LMX1B: variants seen among roughly 807,000 people sequenced by gnomAD.
The protein encoded by LMX1B is LIM homeobox transcription factor 1 beta.
In LMX1B, 12 loss-of-function variants were observed where a neutral mutation model predicts 51.4. That is an observed-to-expected ratio of 0.23 (90% CI 0.15 to 0.38). The LOEUF is 0.38. Ranked by LOEUF, LMX1B falls within the 10% of genes least tolerant of loss-of-function variation. LMX1B has a pLI of 1.00. For synonymous variants in LMX1B, 237 were observed against 235.4 expected (o/e 1.01, Z -0.06); for missense variants, 445 against 571.1 (o/e 0.78, Z 2.25).
At chr9:126,637,970 C>T (rs73669127) in intron 2 of LMX1B, among the ~76,000 whole-genome samples, 3,309 of 152,166 alleles carry the variant, frequency 0.022, 116 homozygotes, top group African/African-American at 0.075. Context: ...CCCTAAACCC[C>T]GAGAGGACGC....
rs955099792 is a variant in LMX1B, at chr9:126,699,868, G to T, written c.*3417G>T. ...TGGGAGCTGGGCGGGGAGTAGCCAG[G>T]ACCACCCCTTGCCCGTGCCGTGACA... is the stretch of plus-strand genomic sequence containing the variant. On this transcript the variant is annotated 3_prime_UTR_variant, in exon 8 of 8. Coordinates refer to ENST00000373474, the MANE Select transcript of LMX1B (RefSeq NM_001174147.2). 1 of 152,348 alleles carries T rather than the reference G, an allele frequency of 6.6e-6. No homozygotes were observed. The highest frequency in any genetic ancestry group is 1.5e-5 in the Non-Finnish European group (1 of 68,152). 9.4% of individuals were successfully genotyped at this position (152,348 alleles called of 1,614,324 possible). A position where few individuals can be genotyped will look rare whatever the true frequency, so the allele number is the denominator to read the frequency against.
intron 2 of LMX1B, among the ~76,000 whole-genome samples, chr9:126,632,380 G>A (rs1201916753): frequency 6.6e-6 from 1 of 152,146 alleles, no homozygotes; most frequent in African/African-American, 2.4e-5. Context: ...GGAATATTGG[G>A]GGTTAAATGG....
At chr9:126,636,185 G>A (rs1835710436) in intron 2 of LMX1B, among the ~76,000 whole-genome samples, 1 of 152,142 alleles carries the variant, frequency 6.6e-6, no homozygotes, top group African/African-American at 2.4e-5. Context: ...CTTGTCCTGG[G>A]TACTAAAGAC....
At chr9:126,676,170 A>G (rs1055124471) in intron 2 of LMX1B, among the ~76,000 whole-genome samples, 1 of 151,310 alleles carries the variant, frequency 6.6e-6, no homozygotes, top group Non-Finnish European at 1.5e-5. Context: ...AACCCTCTGC[A>G]CCTTTTATTT....
At chr9:126,635,103 C>T (rs577990285) in intron 2 of LMX1B, among the ~76,000 whole-genome samples, 2 of 152,332 alleles carry the variant, frequency 1.3e-5, no homozygotes, top group Admixed American at 6.5e-5. Context: ...TACTGTCATT[C>T]CCATTTCACA....
rs979991264 is a variant in LMX1B, at chr9:126,671,926, G to A, written c.327-18910G>A. ...GCATTCTCCACCACCCCCTTCTCCT[G>A]GACTGGGGCTTCCAAGTAAATTCAT... On this transcript the variant is annotated intron_variant, in intron 2 of 7. Coordinates refer to ENST00000373474, the MANE Select transcript of LMX1B (RefSeq NM_001174147.2). The surrounding 1 kb of genome is among the most constrained non-coding windows in gnomAD (Gnocchi z 4.4). Among the ~76,000 whole-genome samples, 4 of 152,362 alleles carry A rather than the reference G, an allele frequency of 2.6e-5. No homozygotes were observed. Among genetic ancestry groups the A allele is most frequent in the African/African-American group, 9.6e-5 (4 of 41,592 alleles).
In LMX1B at chr9:126,615,989, T is replaced by TGGAGCCA. The variant is rs911055532; in HGVS notation, c.326+432_326+438dup. On this transcript the variant is annotated intron_variant, in intron 2 of 7. Transcript: ENST00000373474. The surrounding 1 kb of genome is among the most constrained non-coding windows in gnomAD (Gnocchi z 6.0). ...GTGGGGGTTTGGGATTCCTGGAGCC[T>TGGAGCCA]GGAGCCAGGAGCCAGGAGGTGGAGT... Among the ~76,000 whole-genome samples the TGGAGCCA allele has an allele frequency of 2.6e-5, 4 of 152,124 alleles. No individual in the cohort carries two copies. The highest frequency in any genetic ancestry group is 5.9e-5 in the Non-Finnish European group (4 of 68,014).
chr9:126,660,633 G>A (rs1429152156), intron 2 of LMX1B, among the ~76,000 whole-genome samples: 1 of 152,178 alleles, frequency 6.6e-6, no homozygotes, highest in African/African-American at 2.4e-5. Flanking sequence ...TGAAAGGCTT[G>A]TATCAAAGCC....
chr9:126,644,876 A>G (rs1380472171), intron 2 of LMX1B, among the ~76,000 whole-genome samples: 2 of 152,192 alleles, frequency 1.3e-5, no homozygotes, highest in African/African-American at 4.8e-5. Flanking sequence ...CAACCAAGAC[A>G]GGCCCTTTCA....
chr9:126,693,015 G>C, intron 3 of LMX1B, 127 bp from the exon 4 acceptor site: 1 of 990,168 alleles, frequency 1.0e-6, no homozygotes, highest in Non-Finnish European at 1.5e-6. Context: ...CTGGGCCACT[G>C]GGGAGCCACG....
intron 2 of LMX1B, among the ~76,000 whole-genome samples, chr9:126,684,385 C>T (rs761104333): frequency 6.6e-6 from 1 of 152,160 alleles, no homozygotes; most frequent in Non-Finnish European, 1.5e-5. Flanking sequence ...GAAGAGAGCA[C>T]ACACCTATTA....
chr9:126,620,936 C>G (rs936793338), intron 2 of LMX1B, among the ~76,000 whole-genome samples: 9 of 152,118 alleles, frequency 5.9e-5, no homozygotes, highest in African/African-American at 2.2e-4. Flanking sequence ...TTGTCTATTT[C>G]TCAGAAGGAA....
At position 126,685,358 on chromosome 9, in the gene LMX1B, G is replaced by A. The variant is rs113436488; in HGVS notation, c.327-5478G>A. ...TGGGTGGGGCCTTGAGTGCCACAGC[G>A]AGGTCTTTGGGCTTATCCTGACATT... On this transcript the variant is annotated intron_variant, in intron 2 of 7. Coordinates refer to ENST00000373474, the MANE Select transcript of LMX1B (RefSeq NM_001174147.2). 5.1e-3 allele frequency among the ~76,000 whole-genome samples: 775 copies of A among 152,302 alleles called. 9 individuals carry two copies. The highest frequency in any genetic ancestry group is 7.6e-3 in the Non-Finnish European group (520 of 68,020).
rs1020038547 is a variant in LMX1B at position 126,625,229 on chromosome 9, G to T, written c.326+9660G>T. Among the ~76,000 whole-genome samples the T allele has an allele frequency of 6.6e-6, 1 of 152,216 alleles. No homozygotes were observed. The highest frequency in any genetic ancestry group is 2.4e-5 in the African/African-American group (1 of 41,464). On this transcript the variant is annotated intron_variant, in intron 2 of 7. Transcript: ENST00000373474. This position sits in a 1 kb window ranked among gnomAD's most constrained non-coding sequence, Gnocchi z 5.3. ...TAGCCCCCTGACGCTTTTCGTTTCC[G>T]AGCGCGCTTGGGCCTCAGGAGCCGG...
At chr9:126,634,864 G>A (rs942496812) in intron 2 of LMX1B, among the ~76,000 whole-genome samples, 1 of 152,164 alleles carries the variant, frequency 6.6e-6, no homozygotes, top group Non-Finnish European at 1.5e-5. Flanking sequence ...GGCTTTGCAG[G>A]TGTGGGGTAC....
intron 2 of LMX1B, among the ~76,000 whole-genome samples, chr9:126,638,822 C>T (rs768615272): frequency 2.0e-5 from 3 of 152,198 alleles, no homozygotes; most frequent in Non-Finnish European, 4.4e-5. Flanking sequence ...ATTGATATTC[C>T]TCACACAATA....
Position 126,696,493 on chromosome 9 carries a change from G to A in LMX1B, c.*42G>A, listed in dbSNP as rs747900842. ...CGGACGCTTGGGCAGGGGCCTGGGG[G>A]GGACTGCCAGCCTCTGCGGCCAGCC... On this transcript the variant is annotated 3_prime_UTR_variant, in exon 8 of 8. Transcript: ENST00000373474. 8.1e-6 allele frequency: 13 copies of A among 1,611,300 alleles called. No individual in the cohort carries two copies. The South Asian group carries it at 1.3e-4, about 16-fold the overall frequency.
At chr9:126,693,925 A>G (rs2030241040) in intron 6 of LMX1B, 113 bp downstream of exon 6, 1 of 640,800 alleles carries the variant, frequency 1.6e-6, no homozygotes, top group Non-Finnish European at 2.8e-6. Context: ...AGCCTGGGCC[A>G]GGGCTGGGAC....
chr9:126,684,826 G>A (rs1283103580), intron 2 of LMX1B, among the ~76,000 whole-genome samples: 4 of 152,150 alleles, frequency 2.6e-5, no homozygotes, highest in African/African-American at 7.2e-5. Context: ...GGAGGCATGC[G>A]TGGAACTCCA....
Sources: gnomAD v4.1 joint callset for allele counts (sites outside exome capture counted in the v4.1 genomes callset) on GRCh38, gnomAD v4.1.1 for gene constraint, Gnocchi (gnomAD v3.1) non-coding constraint, MANE v1.5 for transcripts, NCBI Gene and HGNC (gene_info 2026-07-23, HGNC 2026-07-21) for gene names.